Variants in ZNF682 observed in about 807,000 individuals in gnomAD.
The protein encoded by ZNF682 is zinc finger protein 682.
A neutral mutation model predicts 36.5 loss-of-function variants in ZNF682; 29 were observed. The ratio of observed to expected loss-of-function variants is 0.80; its 90% confidence interval spans 0.59 to 1.08. ZNF682 has a LOEUF of 1.08. ZNF682 is among the 50% of genes least tolerant of loss of function. ZNF682 has a pLI of 0.00. For synonymous variants in ZNF682, 180 were observed against 197.0 expected (o/e 0.91, Z 0.72); for missense variants, 561 against 579.7 (o/e 0.97, Z 0.33).
exon 4 of ZNF682, chr19:19,997,240 C>G (rs752592418): frequency 4.1e-4 from 164 of 398,492 alleles, no homozygotes; most frequent in Non-Finnish European, 6.7e-4. Context: ...GGACTGGGGT[C>G]CTACTGTCCA....
intron 3 of ZNF682, among the ~76,000 whole-genome samples, chr19:20,018,556 G>A (rs2088358025): frequency 6.6e-6 from 1 of 152,122 alleles, no homozygotes; most frequent in Non-Finnish European, 1.5e-5. Flanking sequence ...AAACAAAATA[G>A]CTCAGAATTA....
chr19:20,016,603 G>A (rs569985647), intron 3 of ZNF682, among the ~76,000 whole-genome samples: 1 of 152,088 alleles, frequency 6.6e-6, no homozygotes, highest in South Asian at 2.1e-4. Context: ...TGAGGTAATA[G>A]ATGGTATCAG....
intron 1 of ZNF682, among the ~76,000 whole-genome samples, chr19:20,029,980 G>A (rs1429886553): frequency 6.6e-6 from 1 of 152,126 alleles, no homozygotes; most frequent in African/African-American, 2.4e-5. Context: ...AGGTGGAGCC[G>A]GACCTGGATG....
intron 3 of ZNF682, among the ~76,000 whole-genome samples, chr19:20,021,207 A>G (rs1179484587): frequency 6.6e-6 from 1 of 152,250 alleles, no homozygotes; most frequent in East Asian, 1.9e-4. Flanking sequence ...AGCCAGCAGG[A>G]CATGAGTTGG....
chr19:20,001,647 A>G (rs1447917717), downstream of ZNF682, among the ~76,000 whole-genome samples: 1 of 152,206 alleles, frequency 6.6e-6, no homozygotes, highest in Non-Finnish European at 1.5e-5. Flanking sequence ...AAAAACAGCA[A>G]TTTAGTTTCT....
rs2088353920 is a variant in ZNF682, at chr19:20,018,192, CA to C, written c.226+4811del. The stretch of plus-strand genomic sequence containing the variant: ...CACTGCAAGCTCCGCCTCCCGGGTT[CA>C]CGCCATTCTCCCGCCTCAGCCTCCC... On this transcript the variant is annotated intron_variant, in intron 3 of 3. Coordinates refer to ENST00000397165, the MANE Select transcript of ZNF682 (RefSeq NM_033196.3). Among the ~76,000 whole-genome samples the C allele has an allele frequency of 2.0e-5, 3 of 146,570 alleles. No homozygotes were observed. The Admixed American group carries it at 2.1e-4, about 10-fold the overall frequency.
chr19:20,022,036 G>A (rs1451803272), intron 3 of ZNF682, among the ~76,000 whole-genome samples: 1 of 151,792 alleles, frequency 6.6e-6, no homozygotes. Flanking sequence ...TGGGCATGGT[G>A]GTGTACGCCT....
intron 3 of ZNF682, among the ~76,000 whole-genome samples, chr19:20,019,834 G>A (rs1201457411): frequency 6.6e-6 from 1 of 152,000 alleles, no homozygotes; most frequent in Non-Finnish European, 1.5e-5. Context: ...TTTGGGTGAT[G>A]TATACCCTAA....
intron 3 of ZNF682, among the ~76,000 whole-genome samples, chr19:20,020,357 C>T (rs1035358934): frequency 6.6e-6 from 1 of 152,076 alleles, no homozygotes; most frequent in East Asian, 1.9e-4. Context: ...ATTAGCTGGG[C>T]GTGGTGACAG....
At chr19:19,996,125 A>AT, downstream of ZNF682, among the ~76,000 whole-genome samples, 1 of 152,338 alleles carries the variant, frequency 6.6e-6, no homozygotes, top group South Asian at 2.1e-4. Flanking sequence ...CTCTATGTCC[A>AT]TCTGCATTAG....
At chr19:20,018,180 G>A (rs1368903385) in intron 3 of ZNF682, among the ~76,000 whole-genome samples, 5 of 123,448 alleles carry the variant, frequency 4.1e-5, no homozygotes, top group East Asian at 2.7e-4. Flanking sequence ...TGCAAGCTCC[G>A]CCTCCCGGGT....
At chr19:20,039,312 C>T (rs756369998) in intron 1 of ZNF682, 31 bp downstream of exon 1, 2 of 1,611,582 alleles carry the variant, frequency 1.2e-6, no homozygotes, top group East Asian at 2.2e-5. Flanking sequence ...GCCCTGCCCC[C>T]ACCTCGGGAT....
chr19:19,995,472 G>A (rs987142083), downstream of ZNF682, among the ~76,000 whole-genome samples: 3 of 152,086 alleles, frequency 2.0e-5, no homozygotes, highest in African/African-American at 4.8e-5. Flanking sequence ...CTCAAGGAAC[G>A]CAAAAAGGTC....
intron 3 of ZNF682, chr19:20,015,751 A>ATTTTT (rs957417347): frequency 2.5e-6 from 1 of 397,690 alleles, no homozygotes; most frequent in Non-Finnish European, 4.4e-6. Flanking sequence ...TGAGAAAATA[A>ATTTTT]TTTTTAAGAA....
Position 20,006,664 on chromosome 19 carries a change from T to A in ZNF682, c.838A>T (p.Thr280Ser). Residue 280 changes from threonine to serine, a missense_variant, in exon 4 of 4, where the codon ACA becomes TCA. By Grantham distance (58) the Thr-to-Ser change is moderately conservative (BLOSUM62 1). Transcript: ENST00000397165. ...TCACATGTATAGGGTTTTTCTCCTG[T>A]ATGAATTTTCTTATGTCTAACAAAG... Reference protein sequence around the residue: ...SPFVRHKKIHTGEKPYTCEDC... With the variant: ...SPFVRHKKIHSGEKPYTCEDC... 1 of 1,614,122 alleles carries A rather than the reference T, an allele frequency of 6.2e-7. No homozygotes were observed.
downstream of ZNF682, among the ~76,000 whole-genome samples, chr19:20,002,465 C>A (rs1190895616): frequency 3.3e-5 from 5 of 152,170 alleles, no homozygotes; most frequent in African/African-American, 1.2e-4. Context: ...TGTGGTTAGG[C>A]TCCATTCACT....
intron 3 of ZNF682, among the ~76,000 whole-genome samples, chr19:19,997,746 G>A (rs1408441612): frequency 6.6e-6 from 1 of 152,206 alleles, no homozygotes; most frequent in East Asian, 1.9e-4. Context: ...TGGAGCCTCC[G>A]GATGCTGCTC....
intron 3 of ZNF682, among the ~76,000 whole-genome samples, chr19:20,020,672 C>G (rs1035307131): frequency 2.4e-4 from 36 of 152,066 alleles, no homozygotes; most frequent in African/African-American, 8.7e-4. Flanking sequence ...TTTGTGGACC[C>G]TGACTGGATA....
chr19:20,006,104 T>G lies in ZNF682; in HGVS notation c.1398A>C (p.Ser466=), dbSNP rs1313447786. Reference sequence around the variant, plus strand: ...GAACTCTCTTATGTTCATTAAGATGTGAGCACCGTTTAAAAGCTTTGCCAC... The same window carrying G: ...GAACTCTCTTATGTTCATTAAGATGGGAGCACCGTTTAAAAGCTTTGCCAC... The part of the protein sequence containing the change: ...EECGKAFKRC[S]HLNEHKRVQR... The change falls in exon 4 of 4, where the codon TCA becomes TCC. Residue 466 remains serine, a synonymous_variant. Transcript: ENST00000397165. 7 of 1,613,928 alleles carry G rather than the reference T, an allele frequency of 4.3e-6. No homozygotes were observed. Among genetic ancestry groups the G allele is most frequent in the Non-Finnish European group, 5.9e-6 (7 of 1,179,986 alleles).
Sources: allele counts gnomAD v4.1 joint callset (sites outside exome capture counted in the v4.1 genomes callset), GRCh38; gene constraint gnomAD v4.1.1; transcripts MANE v1.5; gene names NCBI Gene and HGNC (gene_info 2026-07-23, HGNC 2026-07-21).